The following TRAPPC9 variants were observed in gnomAD, a reference collection of about 807,000 sequenced individuals.
TRAPPC9 encodes the protein IKK2 binding protein.
TRAPPC9 carries 83 observed loss-of-function variants against 124.0 expected under a neutral mutation model. The ratio of observed to expected loss-of-function variants is 0.67; its 90% CI spans 0.56 to 0.80. The LOEUF is 0.80. Among genes scored for constraint, TRAPPC9 ranks in the 30% least tolerant of loss-of-function variants. The pLI is 0.00. For missense variants in TRAPPC9, 1,302 were observed against 1,508.3 expected, an observed-to-expected ratio of 0.86 and a Z score of 2.27; for synonymous variants, 638 against 617.5, an observed-to-expected ratio of 1.03 and a Z score of -0.49.
chr8:139,910,896 G>C (rs1042266821), intron 19 of TRAPPC9, among the ~76,000 whole-genome samples: 1 of 152,204 alleles, frequency 6.6e-6, no homozygotes, highest in African/African-American at 2.4e-5. Context: ...AGGTGGAAGG[G>C]ACTTGCCTTC....
At chr8:139,981,885 G>A (rs573330023) in intron 19 of TRAPPC9, among the ~76,000 whole-genome samples, 2 of 152,282 alleles carry the variant, frequency 1.3e-5, no homozygotes, top group East Asian at 1.9e-4. Context: ...TCCTGCCGGC[G>A]GTCCATCTCC....
chr8:139,930,638 G>A (rs532236854), intron 19 of TRAPPC9, among the ~76,000 whole-genome samples: 1 of 152,266 alleles, frequency 6.6e-6, no homozygotes, highest in East Asian at 1.9e-4. Context: ...ATACAATAAG[G>A]AGCATCCCCC....
At position 140,360,161 on chromosome 8, in the gene TRAPPC9, G is replaced by T; in HGVS notation, c.1384C>A (p.Arg462Ser). The T allele has an allele frequency of 1.2e-6, 2 of 1,614,206 alleles. No individual in the cohort carries two copies. Among genetic ancestry groups the T allele is most frequent in the African/African-American group, 2.7e-5 (2 of 75,042 alleles). The change falls in exon 9 of 23, where the codon CGT becomes AGT. Residue 462 changes from arginine (R) to serine (S), a missense_variant. Physicochemically the swap from Arg to Ser is moderately radical, Grantham distance 110 (BLOSUM62 -1). Coordinates refer to ENST00000438773, the MANE Select transcript of TRAPPC9 (RefSeq NM_001160372.4). ...GCGTAGACCAATTCATGGAGCAAAC[G>T]CATCTGGACCGCAGCCCAGCCTCTG... is the stretch of plus-strand genomic sequence containing the variant. ...THRGWAAVQM[R>S]LLHELVYASR...
intron 21 of TRAPPC9, among the ~76,000 whole-genome samples, chr8:139,739,174 C>A (rs1191111644): frequency 6.6e-6 from 1 of 152,102 alleles, no homozygotes; most frequent in African/African-American, 2.4e-5. Flanking sequence ...CCATGCCTTC[C>A]CCAGTAGAGT....
intron 17 of TRAPPC9, among the ~76,000 whole-genome samples, chr8:140,106,818 C>A (rs2060675982): frequency 6.6e-6 from 1 of 152,206 alleles, no homozygotes; most frequent in Admixed American, 6.5e-5. Flanking sequence ...CCAAGCTCCA[C>A]AGAGATACTC....
At chr8:139,982,901 T>C (rs1837005946) in intron 19 of TRAPPC9, among the ~76,000 whole-genome samples, 1 of 152,162 alleles carries the variant, frequency 6.6e-6, no homozygotes, top group African/African-American at 2.4e-5. Flanking sequence ...CCCTCCACCA[T>C]GCTGCTCCCC....
intron 17 of TRAPPC9, among the ~76,000 whole-genome samples, chr8:140,203,949 A>G (rs183310237): frequency 1.1e-4 from 17 of 152,304 alleles, no homozygotes; most frequent in Non-Finnish European, 2.1e-4. Flanking sequence ...TACATAAAGG[A>G]GATTACAGTG....
intron 15 of TRAPPC9, among the ~76,000 whole-genome samples, chr8:140,273,687 G>T (rs2065031767): frequency 6.6e-6 from 1 of 152,118 alleles, no homozygotes; most frequent in Non-Finnish European, 1.5e-5. Flanking sequence ...CATTGTTGGG[G>T]TACTTTTGGG....
intron 17 of TRAPPC9, among the ~76,000 whole-genome samples, chr8:140,031,288 C>G (rs757522769): frequency 1.3e-5 from 2 of 152,200 alleles, no homozygotes; most frequent in Non-Finnish European, 2.9e-5. Flanking sequence ...TCTCAGTCTC[C>G]TCACCTTAAA....
At chr8:140,152,954 T>A (rs1248992091) in intron 17 of TRAPPC9, among the ~76,000 whole-genome samples, 5 of 152,230 alleles carry the variant, frequency 3.3e-5, no homozygotes. Flanking sequence ...ATCTTATTCC[T>A]AATTTTAGAG....
chr8:140,051,217 T>C (rs2132085138), intron 17 of TRAPPC9, among the ~76,000 whole-genome samples: 1 of 152,312 alleles, frequency 6.6e-6, no homozygotes, highest in African/African-American at 2.4e-5. Flanking sequence ...GTGGAGCCTT[T>C]AAAATCAGGG....
rs114779040 is a variant in TRAPPC9, at chr8:139,938,189, A to G, written c.2811-27889T>C. 3.6e-3 allele frequency among the ~76,000 whole-genome samples: 554 copies of G among 152,336 alleles called. 4 individuals are homozygous for G. Among genetic ancestry groups the G allele is most frequent in the African/African-American group, 0.013 (535 of 41,566 alleles). ...ATGGCTTCCTGGCAGGTCTTTGGGA[A>G]CCTGACAAAGCTGCCCCACCTGTGT... On this transcript the variant is annotated intron_variant, in intron 19 of 22. Coordinates refer to ENST00000438773, the MANE Select transcript of TRAPPC9 (RefSeq NM_001160372.4).
At chr8:140,406,994 G>C (rs370586507) in intron 5 of TRAPPC9, among the ~76,000 whole-genome samples, 1 of 152,170 alleles carries the variant, frequency 6.6e-6, no homozygotes, top group African/African-American at 2.4e-5. Flanking sequence ...GCACCCCTTC[G>C]AGCAGTGAGC....
intron 21 of TRAPPC9, among the ~76,000 whole-genome samples, chr8:139,820,271 C>G (rs956046491): frequency 5.3e-5 from 8 of 152,062 alleles, no homozygotes; most frequent in Non-Finnish European, 1.0e-4. Context: ...GCCTCTGCCT[C>G]TTGGGTTCAA....
At chr8:140,267,709 C>G (rs574415687) in intron 15 of TRAPPC9, among the ~76,000 whole-genome samples, 1 of 152,294 alleles carries the variant, frequency 6.6e-6, no homozygotes, top group South Asian at 2.1e-4. Flanking sequence ...CTCTGTCACC[C>G]AGGCTGCAGT....
intron 17 of TRAPPC9, among the ~76,000 whole-genome samples, chr8:140,048,322 G>A (rs767131663): frequency 6.6e-6 from 1 of 152,308 alleles, no homozygotes; most frequent in South Asian, 2.1e-4. Context: ...ACCTTGTACA[G>A]GGTAACACTC....
At chr8:140,215,469 C>G (rs1158143380) in intron 17 of TRAPPC9, among the ~76,000 whole-genome samples, 1 of 150,574 alleles carries the variant, frequency 6.6e-6, no homozygotes, top group African/African-American at 2.5e-5. Context: ...ACAGTGAAAC[C>G]CCATCTCTAC....
chr8:140,233,493 C>T (rs1402223922), intron 16 of TRAPPC9, among the ~76,000 whole-genome samples: 1 of 151,916 alleles, frequency 6.6e-6, no homozygotes, highest in Non-Finnish European at 1.5e-5. Flanking sequence ...TGTGAGACAC[C>T]GTGCCCAGCC....
rs150076184 is a variant in TRAPPC9 at position 140,205,164 on chromosome 8, G to A, written c.2556+16295C>T. ...ACAATGATTCTAATGTATAACTTAT[G>A]CTGCCTAGAAAATTCTTAGTGTCAC... On this transcript the variant is annotated intron_variant, in intron 17 of 22. Coordinates refer to ENST00000438773, the MANE Select transcript of TRAPPC9 (RefSeq NM_001160372.4). Among the ~76,000 whole-genome samples, 507 of 152,308 alleles carry A rather than the reference G, an allele frequency of 3.3e-3. 4 individuals carry two copies. Among genetic ancestry groups the A allele is most frequent in the African/African-American group, 0.012 (489 of 41,576 alleles).
Sources: allele counts gnomAD v4.1 joint callset (sites outside exome capture counted in the v4.1 genomes callset), GRCh38; gene constraint gnomAD v4.1.1; transcripts MANE v1.5; gene names NCBI Gene and HGNC (gene_info 2026-07-23, HGNC 2026-07-21).